KCNT2: variants seen among roughly 807,000 people sequenced by gnomAD.
KCNT2 encodes the protein potassium sodium-activated channel subfamily T member 2, also known as potassium channel subfamily T member 2.
A neutral mutation model predicts 153.8 loss-of-function variants in KCNT2; 67 were observed. The ratio of observed to expected loss-of-function variants is 0.44; its 90% CI spans 0.36 to 0.53. KCNT2 has a LOEUF of 0.53. Among genes scored for constraint, KCNT2 ranks in the 20% least tolerant of loss-of-function variants. The pLI is 0.00. For missense variants in KCNT2, 975 were observed against 1,354.8 expected, an observed-to-expected ratio of 0.72 and a Z score of 4.40; for synonymous variants, 500 against 458.8, an observed-to-expected ratio of 1.09 and a Z score of -1.15.
chr1:196,378,191 C>T (rs1167539900), intron 13 of KCNT2, among the ~76,000 whole-genome samples: 8 of 152,058 alleles, frequency 5.3e-5, no homozygotes, highest in Admixed American at 2.6e-4. Context: ...TTTCTCAATT[C>T]GTGTGCCAAA....
intron 1 of KCNT2, among the ~76,000 whole-genome samples, chr1:196,598,905 T>C (rs74882637): frequency 2.2e-3 from 337 of 152,356 alleles, no homozygotes; most frequent in African/African-American, 7.4e-3. Context: ...ATAAATACTA[T>C]ATTCAATATT....
chr1:196,288,871 A>T (rs1412568978), intron 22 of KCNT2, among the ~76,000 whole-genome samples: 1 of 152,032 alleles, frequency 6.6e-6, no homozygotes, highest in African/African-American at 2.4e-5. Flanking sequence ...TACAACATAC[A>T]ATGGTTTGGA....
intron 13 of KCNT2, among the ~76,000 whole-genome samples, chr1:196,395,148 CT>C (rs1440426306): frequency 1.3e-5 from 2 of 151,160 alleles, no homozygotes; most frequent in Non-Finnish European, 3.0e-5. Flanking sequence ...AAATATATTA[CT>C]CGGTTTGTTT....
intron 14 of KCNT2, among the ~76,000 whole-genome samples, chr1:196,346,245 A>T (rs1295295684): frequency 6.6e-6 from 1 of 152,118 alleles, no homozygotes; most frequent in African/African-American, 2.4e-5. Flanking sequence ...TTTGGTCTAC[A>T]TTACATAAGC....
At chr1:196,484,145 C>A (rs1050535945) in intron 3 of KCNT2, among the ~76,000 whole-genome samples, 4 of 151,972 alleles carry the variant, frequency 2.6e-5, no homozygotes, top group Non-Finnish European at 5.9e-5. Context: ...AACAGAAGTG[C>A]GTATTTTCAA....
In KCNT2 at chr1:196,368,494, T is replaced by G. The variant is rs114032486; in HGVS notation, c.1403+4646A>C. ...GTAGCAATCTCCAACCACACTTCAT[T>G]TCTTATCATTCCTTAATTTGTTCAT... On this transcript the variant is annotated intron_variant, in intron 14 of 27. Coordinates refer to ENST00000294725, the MANE Select transcript of KCNT2 (RefSeq NM_198503.5). 7.3e-3 allele frequency among the ~76,000 whole-genome samples: 1,118 copies of G among 152,272 alleles called. 8 individuals are homozygous for G. Among genetic ancestry groups the G allele is most frequent in the African/African-American group, 0.015 (613 of 41,566 alleles).
Position 196,375,586 on chromosome 1 carries a change from T to C in KCNT2, c.1295-2338A>G, listed in dbSNP as rs113029139. Among the ~76,000 whole-genome samples, 484 of 151,834 alleles carry C rather than the reference T, an allele frequency of 3.2e-3. 1 individual carries two copies. Among genetic ancestry groups the C allele is most frequent in the African/African-American group, 0.011 (454 of 41,536 alleles). ...CTTCTTGTTTATTCATGCCTGAGTGTTTACATATTAAAAAAACATGCTTTT... is the reference window on the plus strand; with the variant it reads ...CTTCTTGTTTATTCATGCCTGAGTGCTTACATATTAAAAAAACATGCTTTT... On this transcript the variant is annotated intron_variant, in intron 13 of 27. Coordinates refer to ENST00000294725, the MANE Select transcript of KCNT2 (RefSeq NM_198503.5).
At chr1:196,444,352 G>A (rs1003971877) in intron 8 of KCNT2, among the ~76,000 whole-genome samples, 2 of 151,170 alleles carry the variant, frequency 1.3e-5, no homozygotes, top group African/African-American at 4.8e-5. Flanking sequence ...AAGGTCAATC[G>A]TTCTAAGAAT....
intron 22 of KCNT2, among the ~76,000 whole-genome samples, chr1:196,290,831 A>G (rs1188797110): frequency 1.3e-5 from 2 of 151,988 alleles, no homozygotes; most frequent in African/African-American, 4.8e-5. Context: ...CCTTTTCCCC[A>G]TAATGTCTCT....
At chr1:196,553,437 C>T (rs942280059) in intron 1 of KCNT2, among the ~76,000 whole-genome samples, 4 of 150,928 alleles carry the variant, frequency 2.7e-5, no homozygotes, top group Non-Finnish European at 4.5e-5. Flanking sequence ...AAACATAGGA[C>T]TTAATGTGCA....
chr1:196,256,454 C>G (rs1027954310), intron 26 of KCNT2, among the ~76,000 whole-genome samples: 2 of 151,824 alleles, frequency 1.3e-5, no homozygotes, highest in East Asian at 3.9e-4. Flanking sequence ...AAAACTTAAT[C>G]AACAACAGTG....
intron 8 of KCNT2, 113 bp from the exon 9 acceptor site, chr1:196,429,870 C>T: frequency 1.6e-6 from 1 of 635,690 alleles, no homozygotes; most frequent in Non-Finnish European, 2.7e-6. Context: ...AATAGTCCCT[C>T]TTATATTTTA....
At chr1:196,357,273 C>A (rs1009216366) in intron 14 of KCNT2, among the ~76,000 whole-genome samples, 1 of 151,832 alleles carries the variant, frequency 6.6e-6, no homozygotes, top group Non-Finnish European at 1.5e-5. Flanking sequence ...AATTATATGA[C>A]CTTATCTGCA....
At chr1:196,388,839 T>A (rs540178186) in intron 13 of KCNT2, among the ~76,000 whole-genome samples, 1 of 151,876 alleles carries the variant, frequency 6.6e-6, no homozygotes, top group Admixed American at 6.6e-5. Flanking sequence ...AAAGCTAGTT[T>A]TACTATTTCC....
chr1:196,605,775 G>A (rs1052975023), intron 1 of KCNT2, among the ~76,000 whole-genome samples: 3 of 152,090 alleles, frequency 2.0e-5, no homozygotes, highest in Non-Finnish European at 4.4e-5. Flanking sequence ...ATTAGCTTAG[G>A]AGTCTGAAAA....
At chr1:196,490,466 T>C (rs1023779690) in intron 2 of KCNT2, among the ~76,000 whole-genome samples, 2 of 147,894 alleles carry the variant, frequency 1.4e-5, no homozygotes, top group African/African-American at 4.9e-5. Flanking sequence ...TATAATTATA[T>C]ATATTATTTA....
At chr1:196,242,208 G>A (rs556908241) in intron 26 of KCNT2, among the ~76,000 whole-genome samples, 1 of 152,136 alleles carries the variant, frequency 6.6e-6, no homozygotes, top group South Asian at 2.1e-4. Context: ...TCATAGTAAG[G>A]AACATAGTGT....
intron 1 of KCNT2, among the ~76,000 whole-genome samples, chr1:196,539,663 G>T (rs926315912): frequency 2.0e-5 from 3 of 151,936 alleles, no homozygotes; most frequent in African/African-American, 7.3e-5. Flanking sequence ...AATAATAATT[G>T]CAACTCTTAT....
intron 26 of KCNT2, among the ~76,000 whole-genome samples, chr1:196,255,247 T>C (rs572893535): frequency 6.6e-6 from 1 of 151,810 alleles, no homozygotes; most frequent in Non-Finnish European, 1.5e-5. Context: ...CATTCTATTA[T>C]TTGACAATTA....
Sources: gnomAD v4.1 joint callset for allele counts (sites outside exome capture counted in the v4.1 genomes callset) on GRCh38, gnomAD v4.1.1 for gene constraint, MANE v1.5 for transcripts, NCBI Gene and HGNC (gene_info 2026-07-23, HGNC 2026-07-21) for gene names.